The following PRKCA variants were observed in gnomAD, a reference collection of about 807,000 sequenced individuals.
PRKCA encodes the protein protein kinase C alpha type.
PRKCA carries 27 observed loss-of-function variants against 87.0 expected under a neutral mutation model. The observed-to-expected ratio is 0.31, with a 90% CI of 0.23 to 0.43. PRKCA has a LOEUF of 0.43. Among genes scored for constraint, PRKCA ranks in the 20% least tolerant of loss-of-function variants. The probability of loss-of-function intolerance (pLI) is 1.00; values close to 1 mark genes in which losing one functional copy is unlikely to be tolerated. For missense variants in PRKCA, 518 were observed against 852.3 expected (o/e 0.61, Z 4.88); for synonymous variants, 329 against 311.1 (o/e 1.06, Z -0.61).
chr17:66,354,149 T>C (rs1329585151), intron 2 of PRKCA, among the ~76,000 whole-genome samples: 2 of 152,204 alleles, frequency 1.3e-5, no homozygotes, highest in Admixed American at 6.5e-5. Flanking sequence ...CTTGAGTTGG[T>C]TGGTGTGTAT....
At chr17:66,715,570 C>G (rs1029737540) in intron 8 of PRKCA, among the ~76,000 whole-genome samples, 2 of 152,136 alleles carry the variant, frequency 1.3e-5, no homozygotes, top group Admixed American at 1.3e-4. Flanking sequence ...CACAGAAAGG[C>G]CTACAACTGT....
intron 2 of PRKCA, among the ~76,000 whole-genome samples, chr17:66,347,604 TC>T (rs1442171336): frequency 6.6e-6 from 1 of 152,172 alleles, no homozygotes; most frequent in Non-Finnish European, 1.5e-5. Flanking sequence ...TGCAGGTTCT[TC>T]TAAATGTTGA....
intron 2 of PRKCA, among the ~76,000 whole-genome samples, chr17:66,464,355 A>G (rs574131105): frequency 5.9e-5 from 9 of 152,192 alleles, no homozygotes; most frequent in African/African-American, 1.9e-4. Flanking sequence ...GCAGGTTTTC[A>G]TACATTTTAA....
In PRKCA at chr17:66,735,294, T is replaced by C. The variant is rs61760357; in HGVS notation, c.1057-195T>C. ...ACAAATCTTGGCAGCATTGAAGTTT[T>C]GCAAATGCTGGAGGGACTGAATTTG... On this transcript the variant is annotated intron_variant, in intron 9 of 16. Transcript: ENST00000413366. Among the ~76,000 whole-genome samples, 259 of 152,340 alleles carry C rather than the reference T, an allele frequency of 1.7e-3. 1 individual carries two copies. Among genetic ancestry groups the C allele is most frequent in the African/African-American group, 5.7e-3 (236 of 41,584 alleles).
intron 3 of PRKCA, among the ~76,000 whole-genome samples, chr17:66,618,353 CAAAA>C (rs34535549): frequency 2.1e-4 from 28 of 134,190 alleles, no homozygotes; most frequent in Admixed American, 2.2e-4. Flanking sequence ...AACCCTATCG[CAAAA>C]AAAAAAAAAA....
At chr17:66,516,226 G>C (rs1273253702) in intron 3 of PRKCA, among the ~76,000 whole-genome samples, 2 of 152,158 alleles carry the variant, frequency 1.3e-5, no homozygotes, top group Non-Finnish European at 2.9e-5. Context: ...CAGGCTGCGG[G>C]TATTAAAGGA....
chr17:66,445,493 G>A (rs1913986829), intron 2 of PRKCA, among the ~76,000 whole-genome samples: 1 of 152,234 alleles, frequency 6.6e-6, no homozygotes, highest in Admixed American at 6.5e-5. Context: ...TAGGGCACAG[G>A]CCTAATTGAA....
Position 66,354,422 on chromosome 17 carries a change from G to A in PRKCA, c.205+48295G>A, listed in dbSNP as rs554825650. Among the ~76,000 whole-genome samples, 9 of 152,312 alleles carry A rather than the reference G, an allele frequency of 5.9e-5. No individual in the cohort carries two copies. The South Asian group carries it at 1.9e-3, about 32-fold the overall frequency. On this transcript the variant is annotated intron_variant, in intron 2 of 16. Transcript: ENST00000413366. The stretch of plus-strand genomic sequence containing the variant: ...ATCAATACTGTTGGTGGTGTAAATG[G>A]ATGAATGGTGGCCATTCTGAAACGG...
intron 3 of PRKCA, among the ~76,000 whole-genome samples, chr17:66,537,424 A>G (rs1222516525): frequency 2.0e-5 from 3 of 152,218 alleles, no homozygotes; most frequent in Admixed American, 6.5e-5. Context: ...CTGCATTGTT[A>G]AACGCCAAGT....
chr17:66,660,565 A>G (rs1555632527), intron 5 of PRKCA, among the ~76,000 whole-genome samples: 1 of 152,044 alleles, frequency 6.6e-6, no homozygotes, highest in Non-Finnish European at 1.5e-5. Context: ...CTCAGGGAAT[A>G]TGGCTACTAT....
At chr17:66,606,412 T>C (rs942061410) in intron 3 of PRKCA, among the ~76,000 whole-genome samples, 2 of 151,842 alleles carry the variant, frequency 1.3e-5, no homozygotes, top group African/African-American at 4.8e-5. Flanking sequence ...TAAAATGAAG[T>C]TAAACCAAAG....
At chr17:66,431,136 T>C (rs1413321885) in intron 2 of PRKCA, among the ~76,000 whole-genome samples, 6 of 152,248 alleles carry the variant, frequency 3.9e-5, no homozygotes, top group Non-Finnish European at 5.9e-5. Flanking sequence ...GCTTACTTTC[T>C]TCTCATAATT....
chr17:66,459,213 A>AG (rs1914723022), intron 2 of PRKCA, among the ~76,000 whole-genome samples: 1 of 151,916 alleles, frequency 6.6e-6, no homozygotes, highest in Non-Finnish European at 1.5e-5. Flanking sequence ...TCTCAAAAAA[A>AG]AAAAAAAAAA....
At chr17:66,724,195 C>A (rs1048915336) in intron 8 of PRKCA, among the ~76,000 whole-genome samples, 1 of 151,950 alleles carries the variant, frequency 6.6e-6, no homozygotes, top group African/African-American at 2.4e-5. Context: ...ACTTGGGAAG[C>A]TTAGGCAGGA....
At chr17:66,344,793 T>C (rs541638322) in intron 2 of PRKCA, among the ~76,000 whole-genome samples, 17 of 152,212 alleles carry the variant, frequency 1.1e-4, no homozygotes, top group Non-Finnish European at 2.4e-4. Context: ...TGAGATGGAG[T>C]CCCACTCTGT....
At chr17:66,796,241 T>C (rs1252995492) in intron 16 of PRKCA, among the ~76,000 whole-genome samples, 4 of 152,268 alleles carry the variant, frequency 2.6e-5, no homozygotes, top group Non-Finnish European at 5.9e-5. Context: ...AGAATGTTTC[T>C]GTATGTATAA....
At chr17:66,760,129 A>G (rs1974649688) in intron 13 of PRKCA, among the ~76,000 whole-genome samples, 1 of 152,250 alleles carries the variant, frequency 6.6e-6, no homozygotes, top group South Asian at 2.1e-4. Context: ...GCTCACATAG[A>G]ACATTCACCA....
At chr17:66,502,167 T>G (rs1916761760) in intron 3 of PRKCA, among the ~76,000 whole-genome samples, 2 of 152,214 alleles carry the variant, frequency 1.3e-5, no homozygotes, top group African/African-American at 4.8e-5. Flanking sequence ...CCTCCCATTA[T>G]GCATCTGTGC....
At chr17:66,613,974 A>T (rs1047994737) in intron 3 of PRKCA, among the ~76,000 whole-genome samples, 3 of 151,770 alleles carry the variant, frequency 2.0e-5, no homozygotes, top group African/African-American at 7.3e-5. Flanking sequence ...TATTTTCAGT[A>T]GAGATGGGGT....
Sources: allele counts gnomAD v4.1 joint callset (sites outside exome capture counted in the v4.1 genomes callset), GRCh38; gene constraint gnomAD v4.1.1; transcripts MANE v1.5; gene names NCBI Gene and HGNC (gene_info 2026-07-23, HGNC 2026-07-21).